FAM120A: variants seen among roughly 807,000 people sequenced by gnomAD.
The protein encoded by FAM120A is family with sequence similarity 120 member A.
In FAM120A, 15 loss-of-function variants were observed where a neutral mutation model predicts 109.7. That is an observed-to-expected ratio of 0.14 (90% CI 0.09 to 0.21). The LOEUF is 0.21. FAM120A is among the 10% of genes least tolerant of loss of function. The pLI, the probability that FAM120A is intolerant of heterozygous loss-of-function variation, is 1.00. For missense variants in FAM120A, 899 were observed against 1,439.3 expected, an observed-to-expected ratio of 0.62 and a Z score of 6.07; for synonymous variants, 493 against 572.8, an observed-to-expected ratio of 0.86 and a Z score of 1.99.
intron 17 of FAM120A, among the ~76,000 whole-genome samples, chr9:93,563,474 G>T (rs56275034): frequency 0.077 from 11,661 of 152,272 alleles, 578 homozygotes; most frequent in Non-Finnish European, 0.1. Flanking sequence ...ATTTTAACGG[G>T]TGAAGACAAC....
chr9:93,526,285 T>A (rs1021353674), intron 7 of FAM120A, among the ~76,000 whole-genome samples: 2 of 152,216 alleles, frequency 1.3e-5, no homozygotes, highest in African/African-American at 4.8e-5. Context: ...GCATTTCACA[T>A]TCGCCTGAGG....
chr9:93,550,291 TCA>T (rs372522750), intron 11 of FAM120A, among the ~76,000 whole-genome samples: 6 of 152,232 alleles, frequency 3.9e-5, no homozygotes, highest in African/African-American at 1.4e-4. Context: ...TTTAAATGTT[TCA>T]CAAGAGTGAG....
At chr9:93,562,034 A>G (rs896237453) in intron 16 of FAM120A, among the ~76,000 whole-genome samples, 174 bp from the exon 17 acceptor site, 1 of 152,204 alleles carries the variant, frequency 6.6e-6, no homozygotes, top group South Asian at 2.1e-4. Context: ...TTTATGTCCT[A>G]CTGCTCAAGG....
At chr9:93,540,286 AG>A (rs1861648711) in intron 10 of FAM120A, among the ~76,000 whole-genome samples, 1 of 152,238 alleles carries the variant, frequency 6.6e-6, no homozygotes, top group Non-Finnish European at 1.5e-5. Flanking sequence ...AATACTCAAA[AG>A]ATCTCTAACT....
rs79012724 is a variant in FAM120A, at chr9:93,546,374, G to A, written c.2159+2903G>A. Among the ~76,000 whole-genome samples, 1,111 of 152,248 alleles carry A rather than the reference G, an allele frequency of 7.3e-3. 38 individuals carry two copies. Among genetic ancestry groups the A allele is most frequent in the Admixed American group, 0.051 (773 of 15,292 alleles). ...GAGTGAGGACACACTCTGGGGCCCC[G>A]CGGCCATGGCAGAGGATGAGCTGCT... On this transcript the variant is annotated intron_variant, in intron 11 of 17. Coordinates refer to ENST00000277165, the MANE Select transcript of FAM120A (RefSeq NM_014612.5).
At chr9:93,536,949 G>T (rs7030805) in intron 10 of FAM120A, among the ~76,000 whole-genome samples, 2 of 152,180 alleles carry the variant, frequency 1.3e-5, no homozygotes, top group Non-Finnish European at 2.9e-5. Flanking sequence ...AGTGGTGCAC[G>T]TAGAAGAGAA....
At chr9:93,454,026 G>A (rs1857430234) in intron 1 of FAM120A, among the ~76,000 whole-genome samples, 1 of 152,136 alleles carries the variant, frequency 6.6e-6, no homozygotes, top group Non-Finnish European at 1.5e-5. Flanking sequence ...TTAAAGAACT[G>A]TTGAGTTCTT....
chr9:93,485,248 C>T (rs1858990679), intron 3 of FAM120A, among the ~76,000 whole-genome samples: 1 of 152,138 alleles, frequency 6.6e-6, no homozygotes, highest in Non-Finnish European at 1.5e-5. Context: ...CCAGCCAAAT[C>T]TGGCACCAGA....
chr9:93,472,215 G>A (rs144163445), intron 2 of FAM120A, among the ~76,000 whole-genome samples: 73 of 151,708 alleles, frequency 4.8e-4, no homozygotes, highest in African/African-American at 7.7e-4. Context: ...ATCCAAGATC[G>A]TGCCACTGCA....
chr9:93,465,279 C>G (rs1396080041), intron 1 of FAM120A, among the ~76,000 whole-genome samples: 2 of 152,166 alleles, frequency 1.3e-5, no homozygotes, highest in African/African-American at 4.8e-5. Context: ...CCAGGCTTTC[C>G]TTGACTTAAA....
At chr9:93,468,174 G>A (rs150449100) in intron 1 of FAM120A, among the ~76,000 whole-genome samples, 48 of 152,312 alleles carry the variant, frequency 3.2e-4, no homozygotes, top group African/African-American at 1.1e-3. Flanking sequence ...GTGAGCCACT[G>A]CGCCCGGCTA....
chr9:93,517,547 C>T (rs1305893653), intron 7 of FAM120A, among the ~76,000 whole-genome samples: 4 of 152,206 alleles, frequency 2.6e-5, no homozygotes, highest in African/African-American at 4.8e-5. Context: ...TGTTGTAAAA[C>T]GTGACTCATG....
chr9:93,461,227 T>C (rs1857778759), intron 1 of FAM120A, among the ~76,000 whole-genome samples: 1 of 152,232 alleles, frequency 6.6e-6, no homozygotes, highest in South Asian at 2.1e-4. Context: ...GTTTTACTGG[T>C]TAGTGCAGGA....
chr9:93,563,267 G>A (rs1862535399), intron 17 of FAM120A, among the ~76,000 whole-genome samples: 1 of 152,210 alleles, frequency 6.6e-6, no homozygotes, highest in Non-Finnish European at 1.5e-5. Context: ...AAGGGAATGC[G>A]ATGACGAGCT....
At chr9:93,557,039 C>A (rs1862306281) in intron 13 of FAM120A, among the ~76,000 whole-genome samples, 1 of 152,030 alleles carries the variant, frequency 6.6e-6, no homozygotes, top group Non-Finnish European at 1.5e-5. Context: ...CTCTGTAAGG[C>A]ACATCACAGC....
At chr9:93,471,054 TC>T in intron 1 of FAM120A, 86 bp from the exon 2 acceptor site, 1 of 1,476,948 alleles carries the variant, frequency 6.8e-7, no homozygotes, top group Non-Finnish European at 9.2e-7. Context: ...ATGTGATTTT[TC>T]AGCTTCTGTG....
chr9:93,485,289 T>G (rs1032862102), intron 3 of FAM120A, among the ~76,000 whole-genome samples: 4 of 152,070 alleles, frequency 2.6e-5, no homozygotes, highest in Non-Finnish European at 5.9e-5. Context: ...TTCCAAGACA[T>G]TCTTGGTCAG....
intron 7 of FAM120A, among the ~76,000 whole-genome samples, chr9:93,525,822 A>C (rs982344044): frequency 6.6e-6 from 1 of 152,226 alleles, no homozygotes; most frequent in East Asian, 1.9e-4. Context: ...GAGATTGTGC[A>C]TGAGCAGTGG....
At chr9:93,529,925 G>A in intron 9 of FAM120A, 1 of 504,958 alleles carries the variant, frequency 2.0e-6, no homozygotes, top group Non-Finnish European at 3.5e-6. Context: ...TGTAATGTCA[G>A]GTTTAATTCT....
Sources: gnomAD v4.1 joint callset for allele counts (sites outside exome capture counted in the v4.1 genomes callset) on GRCh38, gnomAD v4.1.1 for gene constraint, MANE v1.5 for transcripts, NCBI Gene and HGNC (gene_info 2026-07-23, HGNC 2026-07-21) for gene names.